Variants in TACR2 observed in about 807,000 individuals in gnomAD.
TACR2 encodes the protein tachykinin receptor 2.
A neutral mutation model predicts 28.9 loss-of-function variants in TACR2; 24 were observed. That is an observed-to-expected ratio of 0.83 (90% CI 0.60 to 1.17). The LOEUF (loss-of-function observed/expected upper bound fraction) is 1.17, where lower values mean the gene tolerates loss of function less well. TACR2 is among the 50% of genes most tolerant of loss of function. The pLI, the probability that TACR2 is intolerant of heterozygous loss-of-function variation, is 0.00. For synonymous variants in TACR2, 222 were observed against 212.6 expected, an observed-to-expected ratio of 1.04 and a Z score of -0.38; for missense variants, 487 against 524.4, an observed-to-expected ratio of 0.93 and a Z score of 0.70.
At chr10:69,414,488 C>A (rs1840595032) in intron 2 of TACR2, among the ~76,000 whole-genome samples, 2 of 152,196 alleles carry the variant, frequency 1.3e-5, no homozygotes, top group Admixed American at 1.3e-4. Context: ...ATATCCTTAT[C>A]TAAGGATGCA....
At chr10:69,408,178 G>A (rs1280773883) in intron 3 of TACR2, among the ~76,000 whole-genome samples, 1 of 152,058 alleles carries the variant, frequency 6.6e-6, no homozygotes, top group Non-Finnish European at 1.5e-5. Flanking sequence ...GGGAGTAGGG[G>A]GACACTGCCA....
intron 2 of TACR2, among the ~76,000 whole-genome samples, chr10:69,413,410 G>T (rs536648376): frequency 2.4e-4 from 37 of 152,294 alleles, no homozygotes; most frequent in Admixed American, 1.6e-3. Flanking sequence ...ACGCACAGTG[G>T]TCCTGTATGA....
intron 2 of TACR2, chr10:69,409,401 G>A (rs1549799): frequency 0.57 from 111,909 of 196,176 alleles, 33,154 homozygotes; most frequent in South Asian, 0.7. Context: ...AATTTAAAAT[G>A]CCATTAAGCA....
intron 2 of TACR2, among the ~76,000 whole-genome samples, chr10:69,412,934 G>A (rs1339712690): frequency 2.0e-5 from 3 of 152,030 alleles, no homozygotes; most frequent in Non-Finnish European, 2.9e-5. Flanking sequence ...AGGTTCAAGC[G>A]ATTCTCCTGC....
chr10:69,407,002 G>A lies in TACR2; in HGVS notation c.938+82C>T. 5 of 1,422,658 alleles carry A rather than the reference G, an allele frequency of 3.5e-6. No homozygotes were observed. The South Asian group carries it at 4.8e-5, about 14-fold the overall frequency. 88.1% of individuals were successfully genotyped at this position (1,422,658 alleles called of 1,614,324 possible). On this transcript the variant is annotated intron_variant, in intron 4 of 4. Transcript: ENST00000373306. The stretch of plus-strand genomic sequence containing the variant: ...GGTTCCGGCAGGAATGAGGATGGAT[G>A]CTTGAGCTGTGCAGGGGAGCCCACC...
rs755195281 is a variant in TACR2 at position 69,409,865 on chromosome 10, GTATATATA to G, written c.588-798_588-791del. Among the ~76,000 whole-genome samples the G allele has an allele frequency of 1.9e-3, 221 of 118,986 alleles. 3 individuals carry two copies. Among genetic ancestry groups the G allele is most frequent in the African/African-American group, 6.7e-3 (214 of 31,824 alleles). The allele number at this position is 118,986 out of a possible 152,430, so 78.1% of individuals were successfully genotyped here. On this transcript the variant is annotated intron_variant, in intron 2 of 4. Transcript: ENST00000373306. ...CGTATACGTATATGTATATGTATAT[GTATATATA>G]TATATATACATATATACATATATAT...
chr10:69,415,915 C>T lies in TACR2; in HGVS notation c.392+17G>A, dbSNP rs1393052981. ...CAGTGGGGAGGCTCCCCCCAGCTTC[C>T]CCAAGGACCCTCTTGCCTGTCGGCA... On this transcript the variant is annotated intron_variant, in intron 1 of 4. Transcript: ENST00000373306. 2 of 1,608,798 alleles carry T rather than the reference C, an allele frequency of 1.2e-6. No homozygotes were observed. Among genetic ancestry groups the T allele is most frequent in the Admixed American group, 1.7e-5 (1 of 59,904 alleles).
Position 69,405,057 on chromosome 10 carries a change from G to C in TACR2, c.966C>G (p.Phe322Leu), listed in dbSNP as rs200448337. Reference protein sequence around the residue: ...HRFRSGFRLAFRCCPWVTPTK... With the variant: ...HRFRSGFRLALRCCPWVTPTK... ...TGGGTGTGACCCATGGGCAGCAGCG[G>C]AAGGCAAGCCGGAATCCAGAGCGAA... The change falls in exon 5 of 5, where the codon TTC (phenylalanine) becomes TTG (leucine). Residue 322 changes from phenylalanine to leucine, a missense_variant. Phe to Leu is a conservative substitution (Grantham distance 22). Transcript: ENST00000373306. 27 of 1,613,806 alleles carry C rather than the reference G, an allele frequency of 1.7e-5. No individual in the cohort carries two copies. The highest frequency in any genetic ancestry group is 2.7e-5 in the African/African-American group (2 of 74,914).
In TACR2 at chr10:69,404,951, A is replaced by T; in HGVS notation, c.1072T>A (p.Phe358Ile). ...GAGGGGGCTGTGTCCCCAGCCATGAACAAAGTCTCCTTAGTGTGACACCTG... is the reference window on the plus strand; with the variant it reads ...GAGGGGGCTGTGTCCCCAGCCATGATCAAAGTCTCCTTAGTGTGACACCTG... The part of the protein sequence containing the change: ...VNRCHTKETL[F>I]MAGDTAPSEA... Residue 358 changes from phenylalanine to isoleucine, a missense_variant, in exon 5 of 5, where the codon TTC (phenylalanine) becomes ATC (isoleucine). Transcript: ENST00000373306. 6.2e-7 allele frequency: 1 copy of T among 1,614,230 alleles called. No individual in the cohort carries two copies. Among genetic ancestry groups the T allele is most frequent in the Non-Finnish European group, 8.5e-7 (1 of 1,180,026 alleles).
rs1215775368 is a variant in TACR2, at chr10:69,414,914, G to A, written c.587+31C>T. ...ACACACAGACTCACACACACACACT[G>A]TTGCCCTCCACAATCCCCCAGAGGC... is the stretch of plus-strand genomic sequence containing the variant. On this transcript the variant is annotated intron_variant, in intron 2 of 4. Coordinates refer to ENST00000373306, the MANE Select transcript of TACR2 (RefSeq NM_001057.3). The A allele has an allele frequency of 5.7e-6, 9 of 1,589,370 alleles. No homozygotes were observed. The Admixed American group carries it at 1.4e-4, about 24-fold the overall frequency.
chr10:69,415,100 T>C lies in TACR2; in HGVS notation c.432A>G (p.Ser144=). The C allele has an allele frequency of 6.2e-7, 1 of 1,612,872 alleles. No homozygotes were observed. Among genetic ancestry groups the C allele is most frequent in the South Asian group, 1.1e-5 (1 of 91,016 alleles). ...AIVHPFQPRL[S]APSTKAVIAG... ...CAATAACCGCCTTGGTGCTGGGAGC[T>C]GAAAGCCGAGGCTGGAAGGGGTGGA... Residue 144 remains serine, a synonymous_variant, in exon 2 of 5, where the codon TCA becomes TCG. Coordinates refer to ENST00000373306, the MANE Select transcript of TACR2 (RefSeq NM_001057.3).
chr10:69,408,156 C>A (rs1469140867), intron 3 of TACR2, among the ~76,000 whole-genome samples: 1 of 152,074 alleles, frequency 6.6e-6, no homozygotes, highest in East Asian at 1.9e-4. Flanking sequence ...CTTCGGGGGA[C>A]CCTGGATGGC....
intron 4 of TACR2, among the ~76,000 whole-genome samples, chr10:69,406,525 A>G (rs1196693831): frequency 6.6e-6 from 1 of 152,118 alleles, no homozygotes; most frequent in Non-Finnish European, 1.5e-5. Context: ...TCCCTGGAGG[A>G]CAGGGCATGC....
chr10:69,414,826 ACACCCATGCATGCACAC>A, intron 2 of TACR2, 102 bp downstream of exon 2: 1 of 1,090,398 alleles, frequency 9.2e-7, no homozygotes, highest in East Asian at 2.4e-5. Context: ...ACTCATGTGT[ACACCCATGCATGCACAC>A]CACACATGCA....
At chr10:69,408,127 C>T (rs1840520817) in intron 3 of TACR2, among the ~76,000 whole-genome samples, 1 of 152,110 alleles carries the variant, frequency 6.6e-6, no homozygotes, top group African/African-American at 2.4e-5. Flanking sequence ...GTCTTGGGCA[C>T]AGAGGGCTAC....
chr10:69,408,926 TTC>T lies in TACR2; in HGVS notation c.735_736del (p.Met245IlefsTer90). 2 of 1,447,042 alleles carry T rather than the reference TTC, an allele frequency of 1.4e-6. No homozygotes were observed. The highest frequency in any genetic ancestry group is 1.8e-6 in the Non-Finnish European group (2 of 1,095,902). The allele number at this position is 1,447,042 out of a possible 1,614,324, so 89.6% of individuals were successfully genotyped here. A position where few individuals can be genotyped will look rare whatever the true frequency, so the allele number is the denominator to read the frequency against. On this transcript the variant is annotated frameshift_variant, in exon 3 of 5. Transcript: ENST00000373306. LOFTEE classifies it high-confidence loss of function. ...GGCCCCCGCCCCCGCGCCCACCTTCTTCATGGCCTGCAGGTGGCGCAGGTTGG... is the reference window on the plus strand; with the variant it reads ...GGCCCCCGCCCCCGCGCCCACCTTCTATGGCCTGCAGGTGGCGCAGGTTGG...
rs577335074 is a variant in TACR2, at chr10:69,414,944, C to A, written c.587+1G>T. On this transcript the variant is annotated splice_donor_variant, in intron 2 of 4. Coordinates refer to ENST00000373306, the MANE Select transcript of TACR2 (RefSeq NM_001057.3). LOFTEE classifies it high-confidence loss of function. ...CCTCCACAATCCCCCAGAGGCCTTA[C>A]AGGAGGAGCGTCTTGCCCCCGCTGT... is the stretch of plus-strand genomic sequence containing the variant. The A allele has an allele frequency of 6.2e-7, 1 of 1,607,616 alleles. No individual in the cohort carries two copies. The highest frequency in any genetic ancestry group is 1.3e-5 in the African/African-American group (1 of 74,958).
intron 2 of TACR2, 48 bp from the exon 3 acceptor site, chr10:69,409,123 C>G: frequency 6.8e-7 from 1 of 1,467,994 alleles, no homozygotes; most frequent in Non-Finnish European, 9.0e-7. Context: ...GGGGGCGACT[C>G]CGAAGTCTGC....
chr10:69,406,862 G>A (rs1367883120), intron 4 of TACR2, among the ~76,000 whole-genome samples: 3 of 152,174 alleles, frequency 2.0e-5, no homozygotes, highest in East Asian at 1.9e-4. Context: ...CCTGGGAGAC[G>A]GTGAGGATTT....
Sources: allele counts gnomAD v4.1 joint callset (sites outside exome capture counted in the v4.1 genomes callset), GRCh38; gene constraint gnomAD v4.1.1; transcripts MANE v1.5; gene names NCBI Gene and HGNC (gene_info 2026-07-23, HGNC 2026-07-21).